The following CTXND2 variants were observed in gnomAD, a reference collection of about 807,000 sequenced individuals.
CTXND2 encodes the protein cortexin domain containing 2.
intron 1 of CTXND2, among the ~76,000 whole-genome samples, chr1:150,898,479 C>T (rs906641883): frequency 2.0e-5 from 3 of 151,924 alleles, no homozygotes; most frequent in Non-Finnish European, 4.4e-5. Context: ...CCTTACTGGC[C>T]GGGCGTGGTG....
Position 150,893,782 on chromosome 1 carries a change from C to A in CTXND2, c.-74+6469C>A, listed in dbSNP as rs78627425. The stretch of plus-strand genomic sequence containing the variant: ...CCTATACATTTTTTATGGATACCCC[C>A]ACTTATGCCTAGTGTTCCATTATTG... On this transcript the variant is annotated intron_variant, in intron 1 of 1. Transcript: ENST00000636087. Among the ~76,000 whole-genome samples the A allele has an allele frequency of 4.6e-3, 703 of 152,102 alleles. 2 individuals carry two copies. The highest frequency in any genetic ancestry group is 0.016 in the African/African-American group (663 of 41,492).
At chr1:150,898,810 G>A (rs1350622851) in intron 1 of CTXND2, among the ~76,000 whole-genome samples, 1 of 149,458 alleles carries the variant, frequency 6.7e-6, no homozygotes, top group Non-Finnish European at 1.5e-5. Flanking sequence ...GGGCACGGTG[G>A]CTCACGCCTG....
At chr1:150,890,432 C>T (rs370865187) in intron 1 of CTXND2, among the ~76,000 whole-genome samples, 1 of 152,176 alleles carries the variant, frequency 6.6e-6, no homozygotes, top group African/African-American at 2.4e-5. Flanking sequence ...CAAGCAGGGG[C>T]TTTACAGGAA....
chr1:150,901,056 G>C (rs1390801283), intron 1 of CTXND2, among the ~76,000 whole-genome samples: 1 of 151,854 alleles, frequency 6.6e-6, no homozygotes, highest in East Asian at 1.9e-4. Flanking sequence ...AGGCTGCAGT[G>C]AGCCACGATC....
At chr1:150,888,919 G>A (rs941255774) in intron 1 of CTXND2, among the ~76,000 whole-genome samples, 16 of 151,702 alleles carry the variant, frequency 1.1e-4, no homozygotes, top group Non-Finnish European at 2.1e-4. Context: ...GCCCAGACTG[G>A]TCTCGAATTC....
intron 1 of CTXND2, among the ~76,000 whole-genome samples, chr1:150,902,165 G>A (rs1669049529): frequency 6.6e-6 from 1 of 151,992 alleles, no homozygotes; most frequent in Non-Finnish European, 1.5e-5. Flanking sequence ...ACTTTGGGGG[G>A]CAGAGGCGGG....
chr1:150,890,739 G>A (rs1033810926), intron 1 of CTXND2, among the ~76,000 whole-genome samples: 81 of 152,152 alleles, frequency 5.3e-4, no homozygotes, highest in African/African-American at 1.7e-3. Context: ...CCAACCTCAG[G>A]TGATCCACCC....
At chr1:150,908,152 G>C (rs919002499) in intron 1 of CTXND2, among the ~76,000 whole-genome samples, 2 of 151,834 alleles carry the variant, frequency 1.3e-5, no homozygotes, top group African/African-American at 4.8e-5. Flanking sequence ...ACAGGTGTGC[G>C]CCATCACATC....
chr1:150,913,197 A>C (rs1669283698), exon 2 of CTXND2: 1 of 152,140 alleles, frequency 6.6e-6, no homozygotes, highest in Non-Finnish European at 1.5e-5. Flanking sequence ...ACTCCCCTAG[A>C]GATTCTGGTA....
At position 150,910,630 on chromosome 1, in the gene CTXND2, A is replaced by AT. The variant is rs200364038; in HGVS notation, c.-73-1593dup. ...ACATGGGTTTATTTCTGGACTCTCAATTTTTTTTTTTTTTTTTTTGAGACA... is the reference window on the plus strand; with the variant it reads ...ACATGGGTTTATTTCTGGACTCTCAATTTTTTTTTTTTTTTTTTTTGAGACA... On this transcript the variant is annotated intron_variant, in intron 1 of 1. Coordinates refer to ENST00000636087, the Ensembl canonical transcript of CTXND2. Among the ~76,000 whole-genome samples, 1,238 of 129,868 alleles carry AT rather than the reference A, an allele frequency of 9.5e-3. 9 individuals carry two copies. Among genetic ancestry groups the AT allele is most frequent in the Middle Eastern group, 0.016 (4 of 250 alleles). The allele number at this position is 129,868 out of a possible 152,430, so 85.2% of individuals were successfully genotyped here.
At chr1:150,901,962 C>T (rs936208007) in intron 1 of CTXND2, among the ~76,000 whole-genome samples, 6 of 151,172 alleles carry the variant, frequency 4.0e-5, no homozygotes, top group Admixed American at 1.3e-4. Flanking sequence ...AAATAATAGT[C>T]TTTTTAATAA....
chr1:150,902,041 G>A (rs879500231), intron 1 of CTXND2, among the ~76,000 whole-genome samples: 18 of 152,062 alleles, frequency 1.2e-4, no homozygotes, highest in Non-Finnish European at 2.5e-4. Flanking sequence ...CGAGGCAGGC[G>A]GATTACCTGA....
intron 1 of CTXND2, among the ~76,000 whole-genome samples, chr1:150,889,432 A>T (rs1418320013): frequency 6.6e-6 from 1 of 151,722 alleles, no homozygotes; most frequent in Non-Finnish European, 1.5e-5. Flanking sequence ...CCTAAAATAA[A>T]TAATTCTATG....
intron 1 of CTXND2, among the ~76,000 whole-genome samples, chr1:150,896,140 A>G (rs1668911575): frequency 6.6e-6 from 1 of 152,190 alleles, no homozygotes; most frequent in Admixed American, 6.6e-5. Flanking sequence ...AGGAGAGATG[A>G]TAGGTAGGGG....
intron 1 of CTXND2, among the ~76,000 whole-genome samples, chr1:150,907,817 C>T (rs1669177171): frequency 6.7e-6 from 1 of 148,578 alleles, no homozygotes; most frequent in South Asian, 2.2e-4. Flanking sequence ...TCACGCCATT[C>T]TCCTGCCTCA....
Position 150,900,716 on chromosome 1 carries a change from G to A in CTXND2, c.-73-11526G>A, listed in dbSNP as rs903916392. Among the ~76,000 whole-genome samples, 7 of 151,970 alleles carry A rather than the reference G, an allele frequency of 4.6e-5. 1 individual carries two copies. In the South Asian group the frequency reaches 1.0e-3, roughly 23 times the overall value. On this transcript the variant is annotated intron_variant, in intron 1 of 1. Transcript: ENST00000636087. The stretch of plus-strand genomic sequence containing the variant: ...TTGCAATATATATTATATATGAAGG[G>A]GTAATATCCCTAGTGTATAAACAAT...
chr1:150,897,707 G>C (rs1433236294), intron 1 of CTXND2, among the ~76,000 whole-genome samples: 4 of 152,176 alleles, frequency 2.6e-5, no homozygotes, highest in Non-Finnish European at 4.4e-5. Context: ...TTCTGAAAGA[G>C]CACTATAGAA....
chr1:150,899,700 G>GTGA (rs1668966705), intron 1 of CTXND2, among the ~76,000 whole-genome samples: 1 of 152,158 alleles, frequency 6.6e-6, no homozygotes, highest in Non-Finnish European at 1.5e-5. Flanking sequence ...GCTCATGCCT[G>GTGA]TAATCCCAAC....
At chr1:150,912,583 T>C in exon 2 of CTXND2, 1 of 397,354 alleles carries the variant, frequency 2.5e-6, no homozygotes, top group Non-Finnish European at 4.4e-6. Context: ...CTTCTCACTC[T>C]TGCATTCCAC....
Sources: gnomAD v4.1 joint callset for allele counts (sites outside exome capture counted in the v4.1 genomes callset) on GRCh38, gnomAD v4.1.1 for gene constraint, MANE v1.5 for transcripts, NCBI Gene and HGNC (gene_info 2026-07-23, HGNC 2026-07-21) for gene names.